The following DIDO1 variants were observed in gnomAD, a reference collection of about 807,000 sequenced individuals.
DIDO1 encodes death-inducer obliterator 1.
Under a neutral mutation model 99.4 loss-of-function variants are expected in DIDO1, and 16 were observed. The ratio of observed to expected loss-of-function variants is 0.16; its 90% CI spans 0.11 to 0.24. The LOEUF (loss-of-function observed/expected upper bound fraction) is 0.24, where lower values mean the gene tolerates loss of function less well. Ranked by LOEUF, DIDO1 falls within the 10% of genes least tolerant of loss-of-function variation. The pLI, the probability that DIDO1 is intolerant of heterozygous loss-of-function variation, is 1.00. For missense variants in DIDO1, 2,996 were observed against 3,014.0 expected (o/e 0.99, Z 0.14); for synonymous variants, 1,366 against 1,239.1 (o/e 1.10, Z -2.15).
upstream of DIDO1, among the ~76,000 whole-genome samples, chr20:62,928,419 C>T (rs1404249141): frequency 6.6e-6 from 1 of 152,178 alleles, no homozygotes; most frequent in Admixed American, 6.5e-5. Flanking sequence ...TCATCTCCCC[C>T]GCCCCCCAGC....
At chr20:62,888,612 A>T (rs1170926183) in intron 15 of DIDO1, 1 of 985,474 alleles carries the variant, frequency 1.0e-6, no homozygotes, top group East Asian at 1.1e-4. Flanking sequence ...CCGTGAGGAC[A>T]GGGTCCGCTG....
rs778673292 is a variant in DIDO1, at chr20:62,911,191, T to G, written c.422A>C (p.Lys141Thr). 2.5e-6 allele frequency: 4 copies of G among 1,613,810 alleles called. No homozygotes were observed. Among genetic ancestry groups the G allele is most frequent in the Non-Finnish European group, 1.7e-6 (2 of 1,180,038 alleles). The stretch of plus-strand genomic sequence containing the variant: ...ATCGTGGTCATCCCCTCCTTTCACC[T>G]TTTCAGAAGAGGCTGGTCGTTCCTT... ...AVKERPASSE[K>T]VKGGDDHDDT... Residue 141 changes from lysine to threonine, a missense_variant, in exon 3 of 16, where the codon AAG (lysine) becomes ACG (threonine). Transcript: ENST00000395343. The surrounding 1 kb of genome is among the most constrained non-coding windows in gnomAD (Gnocchi z 7.0).
In DIDO1 at chr20:62,897,085, G is replaced by A. The variant is rs529994402; in HGVS notation, c.1589-89C>T. 81 of 1,220,078 alleles carry A rather than the reference G, an allele frequency of 6.6e-5. No individual in the cohort carries two copies. In the East Asian group the frequency reaches 2.0e-3, roughly 30 times the overall value. The allele number at this position is 1,220,078 out of a possible 1,614,324, so 75.6% of individuals were successfully genotyped here. On this transcript the variant is annotated intron_variant, in intron 6 of 15. Transcript: ENST00000395343. ...AAAAAGCAGACTTACCCTTAAACCT[G>A]TAAGTGCCCACCTGGCATTACTGAA... is the stretch of plus-strand genomic sequence containing the variant.
In DIDO1 at chr20:62,879,269, C is replaced by G. The variant is rs372132324; in HGVS notation, c.6687G>C (p.Ser2229=). ...ESARDPKPEA[S]RASDAGTASQ... is the part of the protein sequence containing the mutation. ...AGGCGGTGCCAGCGTCGGAGGCCCT[C>G]GAGGCCTCGGGCTTCGGGTCCCGAG... Residue 2229 remains serine, a synonymous_variant, in exon 16 of 16, where the codon TCG becomes TCC. Transcript: ENST00000395343. The surrounding 1 kb of genome is among the most constrained non-coding windows in gnomAD (Gnocchi z 6.3). 17 of 1,568,288 alleles carry G rather than the reference C, an allele frequency of 1.1e-5. No homozygotes were observed. In the African/African-American group the frequency reaches 1.9e-4, roughly 18 times the overall value.
At chr20:62,925,921 T>A (rs1002342218) in intron 1 of DIDO1, among the ~76,000 whole-genome samples, 2 of 152,044 alleles carry the variant, frequency 1.3e-5, no homozygotes, top group African/African-American at 2.4e-5. Context: ...CAGCCGCCCC[T>A]GCAGTGCCGG....
At chr20:62,882,915 C>CTTTTTTTT (rs10583836) in intron 15 of DIDO1, among the ~76,000 whole-genome samples, 8 of 81,378 alleles carry the variant, frequency 9.8e-5, no homozygotes, top group Non-Finnish European at 1.5e-4. Flanking sequence ...AACAAACAGC[C>CTTTTTTTT]TTTTTTTTTT....
intron 15 of DIDO1, chr20:62,889,001 C>T (rs1436330950): frequency 3.1e-5 from 31 of 985,378 alleles, no homozygotes; most frequent in Middle Eastern, 5.2e-4. Context: ...TGCTCTTTAT[C>T]GTGGATCAAA....
In DIDO1 at chr20:62,879,292, G is replaced by A. The variant is rs750404254; in HGVS notation, c.6664C>T (p.Arg2222Trp). 3 of 1,579,470 alleles carry A rather than the reference G, an allele frequency of 1.9e-6. No homozygotes were observed. The highest frequency in any genetic ancestry group is 2.6e-6 in the Non-Finnish European group (3 of 1,165,444). ...KDRSKSKESA[R>W]DPKPEASRAS... is the part of the protein sequence containing the mutation. ...CTCGAGGCCTCGGGCTTCGGGTCCC[G>A]AGCGCTCTCTTTGCTCTTGCTCCGG... Residue 2222 changes from arginine to tryptophan, a missense_variant, in exon 16 of 16, where the codon CGG becomes TGG. Physicochemically the swap from Arg to Trp is moderately radical, Grantham distance 101. Around this residue, in one of 5 missense-constraint regions of DIDO1, gnomAD observed 1,562 missense variants for 1,412.6 expected, o/e 1.11. Transcript: ENST00000395343. The surrounding 1 kb of genome is among the most constrained non-coding windows in gnomAD (Gnocchi z 6.3).
rs759201037 is a variant in DIDO1, at chr20:62,911,602, T to A, written c.11A>T (p.Lys4Ile). MDD[K>I]GDPSNEEAPK... Reference sequence around the variant, plus strand: ...TGCCTCCTCATTGCTCGGGTCGCCTTTGTCGTCCATACCTAGCGGTAAAGT... The same window carrying A: ...TGCCTCCTCATTGCTCGGGTCGCCTATGTCGTCCATACCTAGCGGTAAAGT... The change falls in exon 3 of 16, where the codon AAA (lysine) becomes ATA (isoleucine). Residue 4 changes from lysine (K) to isoleucine (I), a missense_variant. This residue lies in a region of DIDO1 where 388 missense variants were observed against 376.6 expected (regional missense o/e 1.03). Coordinates refer to ENST00000395343, the MANE Select transcript of DIDO1 (RefSeq NM_001193369.2). The surrounding 1 kb of genome is among the most constrained non-coding windows in gnomAD (Gnocchi z 7.0). 5.1e-6 allele frequency: 8 copies of A among 1,577,164 alleles called. No homozygotes were observed. Among genetic ancestry groups the A allele is most frequent in the Non-Finnish European group, 6.9e-6 (8 of 1,159,340 alleles).
Position 62,881,642 on chromosome 20 carries a change from T to C in DIDO1, c.4314A>G (p.Lys1438=), listed in dbSNP as rs1348685472. 1.2e-6 allele frequency: 2 copies of C among 1,612,742 alleles called. No homozygotes were observed. Among genetic ancestry groups the C allele is most frequent in the Non-Finnish European group, 1.7e-6 (2 of 1,180,020 alleles). Residue 1438 remains lysine (K), a synonymous_variant, in exon 16 of 16, where the codon AAA becomes AAG. Coordinates refer to ENST00000395343, the MANE Select transcript of DIDO1 (RefSeq NM_001193369.2). The surrounding 1 kb of genome is among the most constrained non-coding windows in gnomAD (Gnocchi z 8.3). ...TGTTGGGCAGGTCATCAACAGTCACTTTCGCTTCTTCTAAGATGGTCTCAT... is the reference window on the plus strand; with the variant it reads ...TGTTGGGCAGGTCATCAACAGTCACCTTCGCTTCTTCTAAGATGGTCTCAT... ...PEDETILEEA[K]VTVDDLPNRM... is the part of the protein sequence containing the mutation.
chr20:62,910,096 G>A (rs2064896640), intron 3 of DIDO1, 76 bp from the exon 4 acceptor site: 2 of 1,443,630 alleles, frequency 1.4e-6, no homozygotes, highest in Admixed American at 2.1e-5. Flanking sequence ...TAAGACAATT[G>A]GTTTTAACTT....
chr20:62,887,158 T>G, intron 15 of DIDO1: 1 of 985,470 alleles, frequency 1.0e-6, no homozygotes, highest in Non-Finnish European at 1.2e-6. Context: ...AACAGGGGCC[T>G]AGGATAGGTG....
chr20:62,900,240 C>T (rs1376434907), intron 6 of DIDO1, among the ~76,000 whole-genome samples: 1 of 152,256 alleles, frequency 6.6e-6, no homozygotes, highest in Non-Finnish European at 1.5e-5. Flanking sequence ...TCCTTTAGCT[C>T]CCACATTCTG....
At chr20:62,934,515 G>C (rs911999903) in intron 1 of DIDO1, among the ~76,000 whole-genome samples, 10 of 152,160 alleles carry the variant, frequency 6.6e-5, no homozygotes, top group Non-Finnish European at 1.2e-4. Context: ...GCCAGAAGCT[G>C]AGAAATTATC....
chr20:62,933,229 CAAAA>C (rs1174374305), intron 1 of DIDO1, among the ~76,000 whole-genome samples: 1 of 151,940 alleles, frequency 6.6e-6, no homozygotes, highest in Non-Finnish European at 1.5e-5. Flanking sequence ...AAAACAACAA[CAAAA>C]GAATATGTGC....
chr20:62,880,743 G>C lies in DIDO1; in HGVS notation c.5213C>G (p.Pro1738Arg), dbSNP rs140884757. ...AGAGCCCCCCACTTTCTGTCCTGGT[G>C]GGGGGAGCGGGGCGGTGCCCTCGCC... is the stretch of plus-strand genomic sequence containing the variant. ...RPGEGTAPLP[P>R]PGQKVGGSQP... The change falls in exon 16 of 16, where the codon CCA (proline) becomes CGA (arginine). Residue 1738 changes from proline (P) to arginine (R), a missense_variant. This residue lies in a region of DIDO1 where 1,562 missense variants were observed against 1,412.6 expected (regional missense o/e 1.11). Transcript: ENST00000395343. 1.2e-5 allele frequency: 19 copies of C among 1,612,484 alleles called. No individual in the cohort carries two copies. The South Asian group carries it at 1.8e-4, about 15-fold the overall frequency.
chr20:62,936,282 G>A (rs927261852), intron 1 of DIDO1, among the ~76,000 whole-genome samples: 1 of 152,200 alleles, frequency 6.6e-6, no homozygotes, highest in Admixed American at 6.5e-5. Flanking sequence ...GGCCGGATGC[G>A]GTGGCTCATG....
At chr20:62,936,757 G>C (rs979043264) in intron 1 of DIDO1, among the ~76,000 whole-genome samples, 6 of 152,014 alleles carry the variant, frequency 3.9e-5, no homozygotes, top group Non-Finnish European at 5.9e-5. Context: ...CCAGCTACTC[G>C]GGAGGCTGAG....
At chr20:62,917,379 A>C (rs1039702859) in intron 1 of DIDO1, among the ~76,000 whole-genome samples, 5 of 152,212 alleles carry the variant, frequency 3.3e-5, no homozygotes, top group African/African-American at 1.2e-4. Flanking sequence ...CTAGAAAGCC[A>C]TCAGGTTTAC....
Sources: gnomAD v4.1 joint callset for allele counts (sites outside exome capture counted in the v4.1 genomes callset) on GRCh38, gnomAD v4.1.1 for gene constraint, gnomAD v4.1.1 regional missense constraint, Gnocchi (gnomAD v3.1) non-coding constraint, MANE v1.5 for transcripts, NCBI Gene and HGNC (gene_info 2026-07-23, HGNC 2026-07-21) for gene names.